The following SSPN variants were observed in gnomAD, a reference collection of about 807,000 sequenced individuals.
SSPN encodes K-ras oncogene-associated protein.
In SSPN, 15 loss-of-function variants were observed where a neutral mutation model predicts 19.1. The observed-to-expected ratio is 0.78, with a 90% CI of 0.52 to 1.21. The LOEUF is 1.21. SSPN is among the 50% of genes most tolerant of loss of function. SSPN has a pLI of 0.00. For missense variants in SSPN, 291 were observed against 314.0 expected (o/e 0.93, Z 0.55); for synonymous variants, 147 against 140.3 (o/e 1.05, Z -0.34).
intron 2 of SSPN, among the ~76,000 whole-genome samples, chr12:26,224,921 A>G (rs1945161784): frequency 6.6e-6 from 1 of 152,184 alleles, no homozygotes; most frequent in Admixed American, 6.5e-5. Flanking sequence ...TGTTAGGGAC[A>G]GTGCATTTGG....
intron 1 of SSPN, among the ~76,000 whole-genome samples, chr12:26,168,427 C>G (rs894660921): frequency 6.6e-6 from 1 of 152,086 alleles, no homozygotes; most frequent in African/African-American, 2.4e-5. Flanking sequence ...AGGGATAACC[C>G]CCGGTTGGGG....
chr12:26,173,577 C>CT (rs1172085502), intron 1 of SSPN, among the ~76,000 whole-genome samples: 1 of 152,092 alleles, frequency 6.6e-6, no homozygotes, highest in Non-Finnish European at 1.5e-5. Flanking sequence ...TAGGTTTCTT[C>CT]TTTTTTCTCT....
In SSPN at chr12:26,226,502, CT is replaced by C. The variant is rs549493335; in HGVS notation, c.366+2133del. Among the ~76,000 whole-genome samples, 8 of 150,218 alleles carry C rather than the reference CT, an allele frequency of 5.3e-5. No individual in the cohort carries two copies. In the East Asian group the frequency reaches 5.9e-4, roughly 11 times the overall value. On this transcript the variant is annotated intron_variant, in intron 2 of 2. Transcript: ENST00000242729. Reference sequence around the variant, plus strand: ...CGCTTAGAGAAAATAGCCACGGGCTCTTTTTTTTTTCTCAAGCTGGGACAGC... The same window carrying C: ...CGCTTAGAGAAAATAGCCACGGGCTCTTTTTTTTTCTCAAGCTGGGACAGC...
intron 1 of SSPN, among the ~76,000 whole-genome samples, chr12:26,154,655 G>A (rs1944545565): frequency 6.6e-6 from 1 of 152,080 alleles, no homozygotes; most frequent in Admixed American, 6.5e-5. Flanking sequence ...GGAATAAAAT[G>A]GTACCTATAA....
chr12:26,151,195 GA>G (rs11361611), intron 1 of SSPN, among the ~76,000 whole-genome samples: 123,399 of 151,536 alleles, frequency 0.81, 53,815 homozygotes, highest in Non-Finnish European at 0.96. Flanking sequence ...GGTTTTCTTG[GA>G]AAAAAAAAAT....
chr12:26,219,530 C>A (rs929048725), intron 1 of SSPN, among the ~76,000 whole-genome samples: 48 of 152,176 alleles, frequency 3.2e-4, no homozygotes, highest in Admixed American at 2.0e-4. Flanking sequence ...GTCTAACTTT[C>A]TAGCTCACAA....
At chr12:26,186,816 T>C (rs1266230875) in intron 1 of SSPN, among the ~76,000 whole-genome samples, 3 of 152,198 alleles carry the variant, frequency 2.0e-5, no homozygotes, top group Non-Finnish European at 4.4e-5. Flanking sequence ...GTGTGTCAGC[T>C]ATGGTGATGC....
intron 1 of SSPN, among the ~76,000 whole-genome samples, chr12:26,172,899 T>C (rs1203899450): frequency 6.6e-6 from 1 of 152,086 alleles, no homozygotes; most frequent in Non-Finnish European, 1.5e-5. Context: ...TATCTATTGT[T>C]CCAATCTCCT....
At chr12:26,182,464 G>A (rs1474050036) in intron 1 of SSPN, among the ~76,000 whole-genome samples, 2 of 152,142 alleles carry the variant, frequency 1.3e-5, no homozygotes, top group Non-Finnish European at 1.5e-5. Context: ...TGTTTTGAGC[G>A]ACTATAGTTT....
intron 1 of SSPN, among the ~76,000 whole-genome samples, chr12:26,209,933 A>G (rs1042462187): frequency 9.9e-5 from 15 of 151,854 alleles, no homozygotes; most frequent in Admixed American, 2.6e-4. Flanking sequence ...GGCTTTATGT[A>G]TGATAACTTG....
rs754431203 is a variant in SSPN at position 26,125,030 on chromosome 12, AGT to A, written c.-31+2881_-31+2882del. The A allele has an allele frequency of 5.4e-6, 3 of 551,576 alleles. No homozygotes were observed. In the South Asian group the frequency reaches 5.7e-5, roughly 10 times the overall value. 34.2% of individuals were successfully genotyped at this position (551,576 alleles called of 1,614,324 possible). The stretch of plus-strand genomic sequence containing the variant: ...CTGGTAGTTTGCTCTCACTCCAGGC[AGT>A]GTTTGGCCACAGGGCACGCGCGTCG... On this transcript the variant is annotated intron_variant, in intron 1 of 2. Transcript: ENST00000538142.
At chr12:26,148,155 G>A (rs1944504151) in intron 1 of SSPN, among the ~76,000 whole-genome samples, 1 of 152,114 alleles carries the variant, frequency 6.6e-6, no homozygotes, top group South Asian at 2.1e-4. Context: ...CTCTTATTGA[G>A]GACCTATCTG....
chr12:26,187,706 C>T (rs1464781581), intron 1 of SSPN, among the ~76,000 whole-genome samples: 4 of 152,184 alleles, frequency 2.6e-5, no homozygotes, highest in African/African-American at 7.2e-5. Flanking sequence ...AGAAAAAGCA[C>T]TGCACTGATT....
chr12:26,163,124 T>A (rs1198272752), intron 1 of SSPN, among the ~76,000 whole-genome samples: 1 of 151,760 alleles, frequency 6.6e-6, no homozygotes, highest in Non-Finnish European at 1.5e-5. Context: ...ACCTCAGAAC[T>A]TTGCATGCAA....
intron 1 of SSPN, among the ~76,000 whole-genome samples, chr12:26,218,340 GGGA>G (rs1436531809): frequency 1.1e-3 from 19 of 17,742 alleles, no homozygotes; most frequent in Non-Finnish European, 2.1e-3. Context: ...GGGGGGAGGG[GGGA>G]GGGGGGAGGG....
At chr12:26,215,059 A>G (rs913059245) in intron 1 of SSPN, among the ~76,000 whole-genome samples, 1 of 152,050 alleles carries the variant, frequency 6.6e-6, no homozygotes, top group Admixed American at 6.6e-5. Flanking sequence ...TTGGCAATAC[A>G]TTTTCCTGTG....
chr12:26,124,016 A>G (rs1944339305), intron 1 of SSPN: 1 of 1,181,478 alleles, frequency 8.5e-7, no homozygotes, highest in Non-Finnish European at 1.3e-6. Flanking sequence ...TGGGAGTCGC[A>G]CCAGACTATT....
chr12:26,163,016 CGTG>C (rs1297034496), intron 1 of SSPN, among the ~76,000 whole-genome samples: 1 of 148,172 alleles, frequency 6.7e-6, no homozygotes, highest in East Asian at 2.0e-4. Context: ...TGCTTCAAGA[CGTG>C]TGTGCTTCAA....
rs1442858139 is a variant in SSPN at position 26,234,296 on chromosome 12, A to C, written c.*3220A>C. 2 of 152,202 alleles carry C rather than the reference A, an allele frequency of 1.3e-5. No individual in the cohort carries two copies. Among genetic ancestry groups the C allele is most frequent in the Admixed American group, 1.3e-4 (2 of 15,282 alleles). 9.4% of individuals were successfully genotyped at this position (152,202 alleles called of 1,614,324 possible). A position where few individuals can be genotyped will look rare whatever the true frequency, so the allele number is the denominator to read the frequency against. On this transcript the variant is annotated 3_prime_UTR_variant, in exon 3 of 3. Coordinates refer to ENST00000242729, the MANE Select transcript of SSPN (RefSeq NM_005086.5). ...ATGAACTTAAAAGCTGCCCTGCAAA[A>C]CCAATCCTTTCCTATCATGAAGAGT...
Sources: allele counts gnomAD v4.1 joint callset (sites outside exome capture counted in the v4.1 genomes callset), GRCh38; gene constraint gnomAD v4.1.1; transcripts MANE v1.5; gene names NCBI Gene and HGNC (gene_info 2026-07-23, HGNC 2026-07-21).